The following PTPRD variants were observed in gnomAD, a reference collection of about 807,000 sequenced individuals.
PTPRD encodes protein tyrosine phosphatase receptor type D.
In PTPRD, 34 loss-of-function variants were observed where a neutral mutation model predicts 214.5. The ratio of observed to expected loss-of-function variants is 0.16; its 90% CI spans 0.12 to 0.21. The LOEUF is 0.21. PTPRD is among the 10% of genes least tolerant of loss of function. The pLI is 1.00. For synonymous variants in PTPRD, 1,128 were observed against 845.7 expected (o/e 1.33, Z -5.79); for missense variants, 2,545 against 2,398.7 (o/e 1.06, Z -1.27).
intron 11 of PTPRD, among the ~76,000 whole-genome samples, chr9:8,780,866 G>A (rs2095666065): frequency 6.6e-6 from 1 of 152,198 alleles, no homozygotes; most frequent in South Asian, 2.1e-4. Context: ...TATCAATTGT[G>A]GAGGTACGTT....
At chr9:8,382,861 G>T (rs2085581943) in intron 37 of PTPRD, among the ~76,000 whole-genome samples, 1 of 152,218 alleles carries the variant, frequency 6.6e-6, no homozygotes, top group African/African-American at 2.4e-5. Context: ...ACTTTAGGCT[G>T]CAGTTTGAGA....
At chr9:9,348,897 T>A (rs2049991911) in intron 9 of PTPRD, among the ~76,000 whole-genome samples, 1 of 152,122 alleles carries the variant, frequency 6.6e-6, no homozygotes, top group Non-Finnish European at 1.5e-5. Context: ...CTTCCAATTG[T>A]CAGTGGAGAT....
At chr9:9,855,877 G>C (rs1599873538) in intron 5 of PTPRD, among the ~76,000 whole-genome samples, 3 of 152,220 alleles carry the variant, frequency 2.0e-5, no homozygotes, top group African/African-American at 7.2e-5. Flanking sequence ...TAGCAGCTCA[G>C]TGGGTCATCT....
At chr9:9,723,863 A>G (rs1370011680) in intron 7 of PTPRD, among the ~76,000 whole-genome samples, 1 of 152,140 alleles carries the variant, frequency 6.6e-6, no homozygotes, top group Non-Finnish European at 1.5e-5. Context: ...TTAATCTTGT[A>G]TCCTGAAACC....
intron 11 of PTPRD, among the ~76,000 whole-genome samples, chr9:8,742,867 G>C (rs2092242622): frequency 6.6e-6 from 1 of 152,150 alleles, no homozygotes; most frequent in African/African-American, 2.4e-5. Context: ...AGCTGTAAAA[G>C]TGACTTTGCC....
intron 10 of PTPRD, among the ~76,000 whole-genome samples, chr9:9,173,358 G>T (rs1014474099): frequency 6.6e-6 from 1 of 152,120 alleles, no homozygotes; most frequent in Non-Finnish European, 1.5e-5. Flanking sequence ...GTGTAGCTGG[G>T]TGTCTATTCG....
At chr9:9,557,069 T>C (rs1393088329) in intron 8 of PTPRD, among the ~76,000 whole-genome samples, 2 of 152,188 alleles carry the variant, frequency 1.3e-5, no homozygotes, top group African/African-American at 4.8e-5. Flanking sequence ...CGTCCATCAA[T>C]GGAAGAAAAG....
At chr9:9,167,754 T>TTAAA (rs375580519) in intron 10 of PTPRD, among the ~76,000 whole-genome samples, 5 of 152,062 alleles carry the variant, frequency 3.3e-5, no homozygotes, top group Non-Finnish European at 5.9e-5. Context: ...AAACTCTGTC[T>TTAAA]TAAATAAATA....
At chr9:9,900,492 T>C (rs1379728284) in intron 5 of PTPRD, among the ~76,000 whole-genome samples, 2 of 152,180 alleles carry the variant, frequency 1.3e-5, no homozygotes, top group Non-Finnish European at 2.9e-5. Context: ...TTACCTTCAC[T>C]GTCCATATTT....
intron 35 of PTPRD, among the ~76,000 whole-genome samples, chr9:8,428,804 A>G (rs2094860375): frequency 6.6e-6 from 1 of 152,200 alleles, no homozygotes; most frequent in Admixed American, 6.5e-5. Context: ...GTAGTTTTGC[A>G]TTATAAGTGC....
chr9:8,532,671 C>T (rs2076016971), intron 14 of PTPRD, among the ~76,000 whole-genome samples: 1 of 151,998 alleles, frequency 6.6e-6, no homozygotes, highest in African/African-American at 2.4e-5. Context: ...GAATTAGCTA[C>T]TAATTCATCA....
chr9:8,537,534 GAGT>G (rs2077250805), intron 14 of PTPRD, among the ~76,000 whole-genome samples: 1 of 151,976 alleles, frequency 6.6e-6, no homozygotes, highest in Non-Finnish European at 1.5e-5. Context: ...TTTTATTTCA[GAGT>G]AGATTTAGGT....
At chr9:10,590,096 T>C (rs1409456947) in intron 2 of PTPRD, among the ~76,000 whole-genome samples, 1 of 152,016 alleles carries the variant, frequency 6.6e-6, no homozygotes, top group Non-Finnish European at 1.5e-5. Context: ...CAATCTACAA[T>C]ATCATACTTT....
chr9:8,668,488 G>C (rs956279742), intron 12 of PTPRD, among the ~76,000 whole-genome samples: 1 of 152,164 alleles, frequency 6.6e-6, no homozygotes, highest in African/African-American at 2.4e-5. Flanking sequence ...GTATGGCAAA[G>C]CGTTCCAGAA....
chr9:9,288,004 A>G (rs1950048424), intron 9 of PTPRD, among the ~76,000 whole-genome samples: 1 of 151,722 alleles, frequency 6.6e-6, no homozygotes, highest in South Asian at 2.1e-4. Flanking sequence ...GAGGCTGCCT[A>G]GTAGAGACTT....
intron 9 of PTPRD, among the ~76,000 whole-genome samples, chr9:9,226,286 C>G (rs1392478136): frequency 6.6e-6 from 1 of 151,328 alleles, no homozygotes; most frequent in Admixed American, 6.6e-5. Flanking sequence ...TGCTTGCTGG[C>G]CTCAGATCAA....
intron 7 of PTPRD, among the ~76,000 whole-genome samples, chr9:9,659,441 A>C (rs941007070): frequency 6.6e-6 from 1 of 152,072 alleles, no homozygotes; most frequent in Non-Finnish European, 1.5e-5. Context: ...TGCTTATTAT[A>C]CTGGGGGCTT....
chr9:9,123,830 G>A (rs1451645259), intron 10 of PTPRD, among the ~76,000 whole-genome samples: 1 of 152,080 alleles, frequency 6.6e-6, no homozygotes, highest in Non-Finnish European at 1.5e-5. Flanking sequence ...TTTGATGAGG[G>A]GTCAACAGGA....
rs562848384 is a variant in PTPRD, at chr9:8,538,845, T to G, written c.353-10066A>C. On this transcript the variant is annotated intron_variant, in intron 14 of 45. Coordinates refer to ENST00000381196, the MANE Select transcript of PTPRD (RefSeq NM_002839.4). ...AGATCTTGGTTTCTAAATACCATTC[T>G]CCAGTTGAAAGGAAACACTTTCCTT... Among the ~76,000 whole-genome samples the G allele has an allele frequency of 8.6e-5, 13 of 152,014 alleles. No homozygotes were observed. The South Asian group carries it at 2.7e-3, about 32-fold the overall frequency.
Sources: allele counts gnomAD v4.1 joint callset (sites outside exome capture counted in the v4.1 genomes callset), GRCh38; gene constraint gnomAD v4.1.1; transcripts MANE v1.5; gene names NCBI Gene and HGNC (gene_info 2026-07-23, HGNC 2026-07-21).